UNC5D: variants seen among roughly 807,000 people sequenced by gnomAD.
UNC5D encodes netrin receptor UNC5D.
UNC5D carries 39 observed loss-of-function variants against 105.4 expected under a neutral mutation model. The observed-to-expected ratio is 0.37, with a 90% CI of 0.29 to 0.48. UNC5D has a LOEUF of 0.48. Ranked by LOEUF, UNC5D falls within the 20% of genes least tolerant of loss-of-function variation. The pLI is 0.98. For synonymous variants in UNC5D, 452 were observed against 450.4 expected (o/e 1.00, Z -0.04); for missense variants, 991 against 1,202.4 (o/e 0.82, Z 2.60).
chr8:35,505,682 A>C (rs908383221), intron 1 of UNC5D, among the ~76,000 whole-genome samples: 2 of 152,248 alleles, frequency 1.3e-5, no homozygotes, highest in Admixed American at 1.3e-4. Flanking sequence ...CATTACTGCA[A>C]AATTACCAGT....
At chr8:35,771,955 T>C (rs534928703) in intron 15 of UNC5D, among the ~76,000 whole-genome samples, 11 of 152,300 alleles carry the variant, frequency 7.2e-5, no homozygotes, top group African/African-American at 1.7e-4. Context: ...GGGGCTGAGA[T>C]AGATAAGGTA....
At chr8:35,770,294 A>T (rs1801953504) in intron 15 of UNC5D, among the ~76,000 whole-genome samples, 1 of 152,218 alleles carries the variant, frequency 6.6e-6, no homozygotes, top group Non-Finnish European at 1.5e-5. Flanking sequence ...TAAGATATCT[A>T]TCTCAAATAC....
intron 1 of UNC5D, among the ~76,000 whole-genome samples, chr8:35,285,228 G>C (rs1420590567): frequency 6.6e-6 from 1 of 152,202 alleles, no homozygotes; most frequent in Non-Finnish European, 1.5e-5. Flanking sequence ...TAGACTCATG[G>C]ATGAGGAAAA....
intron 1 of UNC5D, among the ~76,000 whole-genome samples, chr8:35,512,346 A>G (rs971110079): frequency 1.3e-4 from 19 of 150,056 alleles, no homozygotes; most frequent in African/African-American, 4.2e-4. Context: ...ACATGGTGAG[A>G]CCCTGTCTCT....
chr8:35,235,909 C>CAGCT (rs548881621), intron 1 of UNC5D, 22 bp downstream of exon 1: 381,460 of 1,226,486 alleles, frequency 0.31, 61,138 homozygotes, highest in South Asian at 0.48. Context: ...GCGGAGCGGG[C>CAGCT]AGCTGGGGGC....
At chr8:35,407,023 A>C (rs752865163) in intron 1 of UNC5D, among the ~76,000 whole-genome samples, 2 of 152,156 alleles carry the variant, frequency 1.3e-5, no homozygotes, top group Admixed American at 1.3e-4. Flanking sequence ...AATGGACTGC[A>C]TATATGACCA....
intron 1 of UNC5D, among the ~76,000 whole-genome samples, chr8:35,292,644 A>G (rs1293274567): frequency 2.0e-5 from 3 of 152,164 alleles, no homozygotes; most frequent in South Asian, 2.1e-4. Context: ...GAAAGCCTTA[A>G]CAATAACATA....
chr8:35,464,069 G>A (rs1196604429), intron 1 of UNC5D, among the ~76,000 whole-genome samples: 4 of 152,170 alleles, frequency 2.6e-5, no homozygotes, highest in East Asian at 3.9e-4. Flanking sequence ...GCTCACGCCT[G>A]TAATCCCAGC....
At chr8:35,332,344 T>C (rs1452296573) in intron 1 of UNC5D, among the ~76,000 whole-genome samples, 3 of 152,216 alleles carry the variant, frequency 2.0e-5, no homozygotes, top group Non-Finnish European at 2.9e-5. Flanking sequence ...CTTGGTCTAA[T>C]ATTCTCAAAT....
chr8:35,508,701 G>C (rs887907220), intron 1 of UNC5D, among the ~76,000 whole-genome samples: 1 of 152,204 alleles, frequency 6.6e-6, no homozygotes, highest in African/African-American at 2.4e-5. Flanking sequence ...ATTGGCAGGT[G>C]GCACCAGGGC....
rs147520244 is a variant in UNC5D, at chr8:35,647,496, A to G, written c.571-36051A>G. ...ACAAGCATTACATTTATTTCTTTTA[A>G]TTTACTCAGTCTTTTTAATGCATAG... On this transcript the variant is annotated intron_variant, in intron 4 of 16. Transcript: ENST00000404895. 1.3e-4 allele frequency among the ~76,000 whole-genome samples: 19 copies of G among 151,724 alleles called. No individual in the cohort carries two copies. The East Asian group carries it at 2.9e-3, about 23-fold the overall frequency.
At chr8:35,577,002 G>A in intron 3 of UNC5D, among the ~76,000 whole-genome samples, 1 of 152,128 alleles carries the variant, frequency 6.6e-6, no homozygotes, top group East Asian at 1.9e-4. Context: ...CCTTTACTGA[G>A]AATCTTCAGA....
chr8:35,669,630 C>T (rs2131268845), intron 4 of UNC5D, among the ~76,000 whole-genome samples: 1 of 152,220 alleles, frequency 6.6e-6, no homozygotes, highest in South Asian at 2.1e-4. Context: ...CTCTCTGTTG[C>T]CAGCTGTGCC....
chr8:35,490,752 T>C (rs1044582599), intron 1 of UNC5D, among the ~76,000 whole-genome samples: 3 of 152,148 alleles, frequency 2.0e-5, no homozygotes, highest in Admixed American at 1.3e-4. Flanking sequence ...TACAAGCCTC[T>C]GGAAGAGCCA....
At chr8:35,335,924 C>A (rs912408155) in intron 1 of UNC5D, among the ~76,000 whole-genome samples, 1 of 151,700 alleles carries the variant, frequency 6.6e-6, no homozygotes, top group Non-Finnish European at 1.5e-5. Flanking sequence ...CCACCACGCC[C>A]GGATAATTTT....
chr8:35,398,240 C>T (rs1052353170), intron 1 of UNC5D, among the ~76,000 whole-genome samples: 1 of 152,218 alleles, frequency 6.6e-6, no homozygotes, highest in Non-Finnish European at 1.5e-5. Context: ...AGTCACCCTA[C>T]TAATAGGTCC....
At chr8:35,289,055 T>C (rs1271784110) in intron 1 of UNC5D, among the ~76,000 whole-genome samples, 1 of 152,088 alleles carries the variant, frequency 6.6e-6, no homozygotes, top group Admixed American at 6.5e-5. Context: ...TGAAATGATA[T>C]AGAGTGGCTG....
chr8:35,297,985 T>G (rs1212401144), intron 1 of UNC5D, among the ~76,000 whole-genome samples: 4 of 152,140 alleles, frequency 2.6e-5, no homozygotes, highest in Non-Finnish European at 5.9e-5. Context: ...GTCTTCACAG[T>G]CAGTACTGGT....
At chr8:35,766,470 C>A (rs1273738445) in intron 14 of UNC5D, among the ~76,000 whole-genome samples, 1 of 152,168 alleles carries the variant, frequency 6.6e-6, no homozygotes, top group Non-Finnish European at 1.5e-5. Context: ...TCTGGCCAAT[C>A]AGTTCCTTAG....
Sources: allele counts gnomAD v4.1 joint callset (sites outside exome capture counted in the v4.1 genomes callset), GRCh38; gene constraint gnomAD v4.1.1; transcripts MANE v1.5; gene names NCBI Gene and HGNC (gene_info 2026-07-23, HGNC 2026-07-21).